Variants in EEA1 observed in about 807,000 individuals in gnomAD.
EEA1 encodes the protein early endosome antigen 1, 162kD.
Under a neutral mutation model 209.2 loss-of-function variants are expected in EEA1, and 111 were observed. That is an observed-to-expected ratio of 0.53 (90% CI 0.45 to 0.62). The LOEUF is 0.62. Ranked by LOEUF, EEA1 falls within the 20% of genes least tolerant of loss-of-function variation. The pLI is 0.00. For missense variants in EEA1, 1,343 were observed against 1,530.8 expected, an observed-to-expected ratio of 0.88 and a Z score of 2.05; for synonymous variants, 536 against 540.6, an observed-to-expected ratio of 0.99 and a Z score of 0.12.
chr12:92,891,603 T>A, intron 2 of EEA1, 26 bp downstream of exon 2: 1 of 1,522,676 alleles, frequency 6.6e-7, no homozygotes, highest in Non-Finnish European at 9.0e-7. Flanking sequence ...ATATTGAATT[T>A]TATTGCCAAG....
intron 1 of EEA1, among the ~76,000 whole-genome samples, chr12:92,916,402 C>G (rs1880761358): frequency 6.6e-6 from 1 of 151,392 alleles, no homozygotes; most frequent in Non-Finnish European, 1.5e-5. Flanking sequence ...TGCCTGTAAT[C>G]CCAGCACTTT....
rs751768460 is a variant in EEA1, at chr12:92,801,640, T to C, written c.2732A>G (p.Glu911Gly). The C allele has an allele frequency of 6.3e-6, 10 of 1,597,892 alleles. No homozygotes were observed. In the Admixed American group the frequency reaches 1.8e-4, roughly 28 times the overall value. ...LQVQMENTLK[E>G]QKELKKSLEK... ...AAGTGACTTTTTCAGTTCCTTCTGT[T>C]CCTTAAGTGTGTTTTCCATCTGCAC... Residue 911 changes from glutamate to glycine, a missense_variant, in exon 20 of 29, where the codon GAA becomes GGA. Transcript: ENST00000322349.
intron 23 of EEA1, 114 bp downstream of exon 23, chr12:92,781,834 TGA>T: frequency 4.6e-6 from 4 of 878,014 alleles, no homozygotes; most frequent in Admixed American, 3.0e-5. Context: ...GAGGTCCCTC[TGA>T]GAGAGCTGTT....
intron 1 of EEA1, among the ~76,000 whole-genome samples, chr12:92,896,239 C>T (rs921102956): frequency 7.9e-5 from 12 of 151,942 alleles, no homozygotes; most frequent in Non-Finnish European, 1.3e-4. Flanking sequence ...CCCAAAGTGC[C>T]GGGATTACAG....
chr12:92,824,594 G>A (rs1337645867), intron 13 of EEA1, among the ~76,000 whole-genome samples: 1 of 152,050 alleles, frequency 6.6e-6, no homozygotes, highest in Non-Finnish European at 1.5e-5. Flanking sequence ...TCCTGCCTCT[G>A]GACCATTTAA....
chr12:92,887,784 C>A (rs1443563005), intron 2 of EEA1, among the ~76,000 whole-genome samples: 3 of 151,698 alleles, frequency 2.0e-5, no homozygotes, highest in Admixed American at 2.0e-4. Flanking sequence ...AGATGTAACC[C>A]CATCATAAAT....
intron 20 of EEA1, among the ~76,000 whole-genome samples, chr12:92,801,386 A>G (rs1874900951): frequency 6.6e-6 from 1 of 152,054 alleles, no homozygotes; most frequent in African/African-American, 2.4e-5. Context: ...AAATACAAAT[A>G]ACAATTTTAA....
chr12:92,891,303 TAAC>T (rs1879645987), intron 2 of EEA1, among the ~76,000 whole-genome samples: 1 of 152,112 alleles, frequency 6.6e-6, no homozygotes, highest in Admixed American at 6.6e-5. Context: ...CTTAGTCCAA[TAAC>T]AGTTCATGAC....
intron 1 of EEA1, among the ~76,000 whole-genome samples, chr12:92,922,074 G>A (rs780180276): frequency 4.6e-5 from 7 of 151,854 alleles, no homozygotes; most frequent in African/African-American, 1.2e-4. Context: ...CACATTCAGC[G>A]GCCACTTCTC....
intron 16 of EEA1, among the ~76,000 whole-genome samples, chr12:92,812,241 A>AT (rs1265355733): frequency 6.6e-6 from 1 of 152,078 alleles, no homozygotes. Flanking sequence ...AGGCAGGAGA[A>AT]TTGCTTGAAC....
intron 18 of EEA1, among the ~76,000 whole-genome samples, chr12:92,805,318 T>A (rs909132750): frequency 6.6e-6 from 1 of 152,056 alleles, no homozygotes; most frequent in Non-Finnish European, 1.5e-5. Flanking sequence ...AGGACCCAAT[T>A]TACTAGATAT....
intron 1 of EEA1, among the ~76,000 whole-genome samples, chr12:92,898,387 G>C (rs1401408964): frequency 6.6e-6 from 1 of 152,118 alleles, no homozygotes; most frequent in African/African-American, 2.4e-5. Context: ...ATTATGGCTG[G>C]GTGAAATGGC....
chr12:92,794,899 T>TC (rs766390532), intron 21 of EEA1, among the ~76,000 whole-genome samples: 1 of 151,828 alleles, frequency 6.6e-6, no homozygotes, highest in Non-Finnish European at 1.5e-5. Flanking sequence ...AGCTGCTACT[T>TC]CCCCCAATAA....
At chr12:92,850,711 A>AG (rs1877585002) in intron 9 of EEA1, among the ~76,000 whole-genome samples, 3 of 150,912 alleles carry the variant, frequency 2.0e-5, no homozygotes, top group Non-Finnish European at 4.4e-5. Flanking sequence ...AAAAAAAAAA[A>AG]AAAAAGAAAT....
At chr12:92,816,912 T>C (rs1009718140) in intron 14 of EEA1, among the ~76,000 whole-genome samples, 1 of 151,370 alleles carries the variant, frequency 6.6e-6, no homozygotes, top group African/African-American at 2.5e-5. Flanking sequence ...GCTTTTATTT[T>C]CATAATGGTA....
At chr12:92,790,010 G>C (rs939995634) in intron 21 of EEA1, among the ~76,000 whole-genome samples, 3 of 152,194 alleles carry the variant, frequency 2.0e-5, no homozygotes, top group Admixed American at 1.3e-4. Context: ...ACAGAGTCTG[G>C]AGTGGAACTC....
intron 11 of EEA1, among the ~76,000 whole-genome samples, chr12:92,828,608 C>CATATATATATCATAT (rs1555202118): frequency 7.1e-6 from 1 of 140,524 alleles, no homozygotes; most frequent in Non-Finnish European, 1.6e-5. Flanking sequence ...TATATGTGTA[C>CATATATATATCATAT]ATATATATAT....
chr12:92,818,707 T>C (rs57187071), intron 14 of EEA1, among the ~76,000 whole-genome samples: 9,983 of 152,272 alleles, frequency 0.066, 335 homozygotes, highest in Middle Eastern at 0.11. Flanking sequence ...AACTCTCTTA[T>C]TACACAATTC....
chr12:92,816,046 A>C (rs549793919), intron 15 of EEA1, among the ~76,000 whole-genome samples, 154 bp downstream of exon 15: 5 of 152,042 alleles, frequency 3.3e-5, no homozygotes, highest in African/African-American at 4.8e-5. Context: ...GTCAAACAGG[A>C]AAGTTCAACA....
Sources: gnomAD v4.1 joint callset for allele counts (sites outside exome capture counted in the v4.1 genomes callset) on GRCh38, gnomAD v4.1.1 for gene constraint, MANE v1.5 for transcripts, NCBI Gene and HGNC (gene_info 2026-07-23, HGNC 2026-07-21) for gene names.